The following KCNH1 variants were observed in gnomAD, a reference collection of about 807,000 sequenced individuals.
KCNH1 encodes potassium voltage-gated channel subfamily H member 1.
In KCNH1, 27 loss-of-function variants were observed where a neutral mutation model predicts 69.2. That is an observed-to-expected ratio of 0.39 (90% CI 0.29 to 0.54). The LOEUF (loss-of-function observed/expected upper bound fraction) is 0.54, where lower values mean the gene tolerates loss of function less well. KCNH1 is among the 20% of genes least tolerant of loss of function. KCNH1 has a pLI of 0.68. For synonymous variants in KCNH1, 456 were observed against 487.7 expected, an observed-to-expected ratio of 0.93 and a Z score of 0.86; for missense variants, 798 against 1,261.6, an observed-to-expected ratio of 0.63 and a Z score of 5.57.
At chr1:210,792,798 A>T (rs766138137) in intron 9 of KCNH1, among the ~76,000 whole-genome samples, 1 of 152,204 alleles carries the variant, frequency 6.6e-6, no homozygotes, top group Non-Finnish European at 1.5e-5. Context: ...ACACTAAATC[A>T]CAGTGAAAGG....
At chr1:210,789,342 T>C (rs184586712) in intron 9 of KCNH1, among the ~76,000 whole-genome samples, 3 of 152,364 alleles carry the variant, frequency 2.0e-5, no homozygotes, top group African/African-American at 7.2e-5. Context: ...AAGTTATTGT[T>C]GTTTTTGTTG....
intron 3 of KCNH1, among the ~76,000 whole-genome samples, chr1:211,102,556 A>G (rs1691276785): frequency 1.3e-5 from 2 of 152,168 alleles, no homozygotes; most frequent in African/African-American, 2.4e-5. Context: ...AATCTCTCAG[A>G]CCAGTATCGG....
chr1:211,096,269 G>A (rs1691152093), intron 3 of KCNH1, among the ~76,000 whole-genome samples: 1 of 151,986 alleles, frequency 6.6e-6, no homozygotes. Flanking sequence ...TTGCCATGTT[G>A]GCCAAACTAG....
At chr1:211,034,205 TG>T (rs1689852976) in intron 5 of KCNH1, among the ~76,000 whole-genome samples, 3 of 152,204 alleles carry the variant, frequency 2.0e-5, no homozygotes, top group African/African-American at 7.2e-5. Flanking sequence ...AACAGATAAA[TG>T]GTTAAACTGT....
intron 7 of KCNH1, chr1:210,860,190 A>G: frequency 8.0e-7 from 1 of 1,251,028 alleles, no homozygotes; most frequent in Non-Finnish European, 1.2e-6. Flanking sequence ...TTACATAATT[A>G]TAAAGGAGGG....
At chr1:211,091,963 T>C (rs1314913352) in intron 3 of KCNH1, among the ~76,000 whole-genome samples, 1 of 152,248 alleles carries the variant, frequency 6.6e-6, no homozygotes, top group Non-Finnish European at 1.5e-5. Flanking sequence ...TTCTTCCTAG[T>C]TCTTATATTC....
At chr1:211,007,213 T>TC (rs1689301328) in intron 6 of KCNH1, among the ~76,000 whole-genome samples, 1 of 152,338 alleles carries the variant, frequency 6.6e-6, no homozygotes, top group Admixed American at 6.5e-5. Context: ...CCTTGTAAGT[T>TC]AACATTTATA....
chr1:210,763,043 T>G (rs1334245932), intron 10 of KCNH1, among the ~76,000 whole-genome samples: 1 of 152,218 alleles, frequency 6.6e-6, no homozygotes, highest in Non-Finnish European at 1.5e-5. Flanking sequence ...GTGGGCTTTA[T>G]TCCTGGGATG....
rs561235702 is a variant in KCNH1 at position 210,810,660 on chromosome 1, A to G, written c.1463-6494T>C. Among the ~76,000 whole-genome samples the G allele has an allele frequency of 8.6e-5, 13 of 151,544 alleles. No individual in the cohort carries two copies. The East Asian group carries it at 2.3e-3, about 27-fold the overall frequency. Reference sequence around the variant, plus strand: ...CTTTAATTTCCATGAGATTTTTTTCATTGTCTGAATGTTCCTTTTTAATTG... The same window carrying G: ...CTTTAATTTCCATGAGATTTTTTTCGTTGTCTGAATGTTCCTTTTTAATTG... On this transcript the variant is annotated intron_variant, in intron 7 of 10. Transcript: ENST00000271751.
chr1:210,871,293 A>G (rs4325201), intron 7 of KCNH1, among the ~76,000 whole-genome samples: 15,021 of 152,242 alleles, frequency 0.099, 1,688 homozygotes, highest in African/African-American at 0.27. Context: ...CAAAAAACAC[A>G]TGAAAAAATG....
chr1:211,103,458 C>A, intron 3 of KCNH1, 38 bp downstream of exon 3: 1 of 1,315,754 alleles, frequency 7.6e-7, no homozygotes. Flanking sequence ...CTATTTCAAA[C>A]ACATAAAGGT....
At chr1:210,956,039 T>G (rs1336859049) in intron 6 of KCNH1, among the ~76,000 whole-genome samples, 1 of 152,166 alleles carries the variant, frequency 6.6e-6, no homozygotes, top group Non-Finnish European at 1.5e-5. Flanking sequence ...GGCTGTGGGT[T>G]TGTCATAGAT....
chr1:210,860,073 T>C (rs1163046903), intron 7 of KCNH1: 24 of 1,344,016 alleles, frequency 1.8e-5, no homozygotes, highest in South Asian at 4.7e-5. Flanking sequence ...TTTTGCCGTA[T>C]GACACGCTGC....
chr1:211,060,854 T>C (rs1403127948), intron 5 of KCNH1, among the ~76,000 whole-genome samples: 4 of 152,186 alleles, frequency 2.6e-5, no homozygotes, highest in Non-Finnish European at 4.4e-5. Flanking sequence ...TGGGATTCCA[T>C]GGCTTCACGC....
intron 5 of KCNH1, among the ~76,000 whole-genome samples, chr1:211,060,400 CAAAAAAAA>C (rs60620622): frequency 5.9e-4 from 26 of 44,328 alleles, no homozygotes; most frequent in South Asian, 4.6e-3. Flanking sequence ...GACTCCGTCT[CAAAAAAAA>C]AAAAAAAAAA....
At chr1:211,066,108 G>A (rs1236515056) in intron 5 of KCNH1, among the ~76,000 whole-genome samples, 1 of 151,888 alleles carries the variant, frequency 6.6e-6, no homozygotes, top group Non-Finnish European at 1.5e-5. Flanking sequence ...TGCTTATAAC[G>A]AAACACATAA....
At chr1:210,986,913 A>C (rs1688849577) in intron 6 of KCNH1, among the ~76,000 whole-genome samples, 1 of 152,174 alleles carries the variant, frequency 6.6e-6, no homozygotes, top group African/African-American at 2.4e-5. Context: ...CATCACTTTC[A>C]GGTATACCAG....
intron 5 of KCNH1, among the ~76,000 whole-genome samples, chr1:211,071,282 G>A (rs565346898): frequency 1.2e-3 from 189 of 152,132 alleles, no homozygotes; most frequent in Non-Finnish European, 2.3e-3. Flanking sequence ...GTGCCACCTC[G>A]TATGGGTCCC....
At chr1:210,751,455 G>A (rs192257693) in intron 10 of KCNH1, among the ~76,000 whole-genome samples, 2 of 152,266 alleles carry the variant, frequency 1.3e-5, no homozygotes, top group Admixed American at 1.3e-4. Flanking sequence ...AGTCAGAAGA[G>A]GCTAAGTGTG....
Sources: gnomAD v4.1 joint callset for allele counts (sites outside exome capture counted in the v4.1 genomes callset) on GRCh38, gnomAD v4.1.1 for gene constraint, MANE v1.5 for transcripts, NCBI Gene and HGNC (gene_info 2026-07-23, HGNC 2026-07-21) for gene names.